Variants in CSMD2 observed in about 807,000 individuals in gnomAD.
CSMD2 encodes CUB and sushi domain-containing protein 2.
A neutral mutation model predicts 398.5 loss-of-function variants in CSMD2; 130 were observed. That is an observed-to-expected ratio of 0.33 (90% CI 0.28 to 0.38). CSMD2 has a LOEUF of 0.38. CSMD2 is among the 10% of genes least tolerant of loss of function. The pLI is 1.00. For missense variants in CSMD2, 3,829 were observed against 4,764.9 expected (o/e 0.80, Z 5.78); for synonymous variants, 1,828 against 1,908.5 (o/e 0.96, Z 1.10).
At chr1:33,787,919 C>T (rs559145051) in intron 12 of CSMD2, among the ~76,000 whole-genome samples, 5 of 152,228 alleles carry the variant, frequency 3.3e-5, no homozygotes, top group African/African-American at 1.2e-4. Flanking sequence ...CTGTTCCTAG[C>T]CCTATGCACA....
chr1:33,798,042 T>C (rs1391500067), intron 10 of CSMD2, among the ~76,000 whole-genome samples: 2 of 152,190 alleles, frequency 1.3e-5, no homozygotes, highest in Non-Finnish European at 2.9e-5. Context: ...TGCTGCAGTT[T>C]CAGGACGAGC....
At chr1:33,619,652 C>T (rs1641633757) in intron 37 of CSMD2, among the ~76,000 whole-genome samples, 1 of 152,188 alleles carries the variant, frequency 6.6e-6, no homozygotes. Context: ...AAACACCTGT[C>T]AAAACCACAG....
intron 4 of CSMD2, among the ~76,000 whole-genome samples, chr1:33,923,906 G>T (rs1328379850): frequency 1.3e-5 from 2 of 152,204 alleles, no homozygotes; most frequent in African/African-American, 4.8e-5. Flanking sequence ...TGGAAACATT[G>T]TCTTCCATGA....
At chr1:34,034,616 T>G (rs1022867185) in intron 2 of CSMD2, among the ~76,000 whole-genome samples, 1 of 152,222 alleles carries the variant, frequency 6.6e-6, no homozygotes, top group Non-Finnish European at 1.5e-5. Context: ...GCGAGATTTA[T>G]CTCTTCAATG....
At chr1:33,894,648 G>T (rs1192073709) in intron 5 of CSMD2, among the ~76,000 whole-genome samples, 3 of 152,100 alleles carry the variant, frequency 2.0e-5, no homozygotes, top group Admixed American at 6.5e-5. Context: ...CCTGTATTAT[G>T]TCCCTCTTAT....
Position 33,646,639 on chromosome 1 carries a change from G to A in CSMD2, c.4774+9C>T. The A allele has an allele frequency of 6.2e-7, 1 of 1,612,762 alleles. No individual in the cohort carries two copies. The highest frequency in any genetic ancestry group is 8.5e-7 in the Non-Finnish European group (1 of 1,179,844). On this transcript the variant is annotated intron_variant, in intron 29 of 70. Transcript: ENST00000373381. The stretch of plus-strand genomic sequence containing the variant: ...TGTCCTCAGTACTCTCTGGCACCAG[G>A]GCCCTTACCTGTATAGTCAATGACG...
chr1:33,673,330 CTGATGCG>C (rs1644582141), intron 25 of CSMD2, among the ~76,000 whole-genome samples: 1 of 152,188 alleles, frequency 6.6e-6, no homozygotes, highest in African/African-American at 2.4e-5. Context: ...GCCTCAGTAG[CTGATGCG>C]TTCAACTGTA....
intron 44 of CSMD2, among the ~76,000 whole-genome samples, chr1:33,591,645 C>T (rs1022178795): frequency 2.6e-5 from 4 of 152,112 alleles, no homozygotes; most frequent in Non-Finnish European, 5.9e-5. Flanking sequence ...TTTTTAGAGA[C>T]AGGTTCTCAT....
At chr1:33,830,011 C>T (rs963932043) in intron 6 of CSMD2, among the ~76,000 whole-genome samples, 1 of 152,232 alleles carries the variant, frequency 6.6e-6, no homozygotes, top group Non-Finnish European at 1.5e-5. Flanking sequence ...CTGGGAAGCT[C>T]GAACTGGGTG....
chr1:33,980,945 T>C (rs1033518524), intron 3 of CSMD2, among the ~76,000 whole-genome samples: 2 of 152,158 alleles, frequency 1.3e-5, no homozygotes, highest in Admixed American at 1.3e-4. Flanking sequence ...TACAAGCCTA[T>C]CTGAAGAACT....
At position 33,877,390 on chromosome 1, in the gene CSMD2, C is replaced by A. The variant is rs563327155; in HGVS notation, c.921-30394G>T. Among the ~76,000 whole-genome samples, 8 of 152,264 alleles carry A rather than the reference C, an allele frequency of 5.3e-5. No individual in the cohort carries two copies. The South Asian group carries it at 1.7e-3, about 32-fold the overall frequency. Reference sequence around the variant, plus strand: ...CACTGGACTTGTCCCCCTTGTCGCACTGGGGGAGATGAGGGCCTGGAACTC... The same window carrying A: ...CACTGGACTTGTCCCCCTTGTCGCAATGGGGGAGATGAGGGCCTGGAACTC... On this transcript the variant is annotated intron_variant, in intron 5 of 70. Transcript: ENST00000373381.
intron 41 of CSMD2, chr1:33,605,862 C>T (rs747287104): frequency 1.4e-4 from 219 of 1,612,048 alleles, no homozygotes; most frequent in Non-Finnish European, 1.8e-4. Context: ...TCTCATTGAA[C>T]CTTCACAACC....
At chr1:33,818,227 C>T (rs972606587) in intron 9 of CSMD2, among the ~76,000 whole-genome samples, 1 of 152,192 alleles carries the variant, frequency 6.6e-6, no homozygotes, top group African/African-American at 2.4e-5. Context: ...TGCCTCTCTG[C>T]ACAGCTGGTG....
intron 24 of CSMD2, among the ~76,000 whole-genome samples, chr1:33,695,298 A>G (rs1314174088): frequency 1.3e-5 from 2 of 152,144 alleles, no homozygotes; most frequent in African/African-American, 4.8e-5. Flanking sequence ...TCATATATTC[A>G]CTGTTCCAGG....
At chr1:33,592,336 T>A (rs897585190) in intron 44 of CSMD2, 1 of 714,220 alleles carries the variant, frequency 1.4e-6, no homozygotes, top group Admixed American at 2.0e-5. Flanking sequence ...AAAAGTAGAA[T>A]CTCTTGGGTC....
chr1:33,935,793 C>T lies in CSMD2; in HGVS notation c.679G>A (p.Ala227Thr), dbSNP rs184529652. 94 of 1,612,330 alleles carry T rather than the reference C, an allele frequency of 5.8e-5. No homozygotes were observed. The East Asian group carries it at 1.3e-3, about 22-fold the overall frequency. ...LTCHAGSENS[A>T]TWDFPLPSCR... ...GAAGGCAGGGGGAAGTCCCACGTGG[C>T]GCTGTTCTCAGAGCCAGCGTGGCAG... Residue 227 changes from alanine to threonine, a missense_variant, in exon 4 of 71, where the codon GCC (alanine) becomes ACC (threonine). Transcript: ENST00000373381.
At chr1:34,103,519 T>C (rs374671107) in intron 1 of CSMD2, among the ~76,000 whole-genome samples, 142 of 152,180 alleles carry the variant, frequency 9.3e-4, no homozygotes, top group East Asian at 5.6e-3. Context: ...AGGATGGTCT[T>C]GATCTGACCT....
intron 14 of CSMD2, among the ~76,000 whole-genome samples, chr1:33,740,030 T>C (rs1333973107): frequency 6.6e-6 from 1 of 152,198 alleles, no homozygotes; most frequent in Non-Finnish European, 1.5e-5. Context: ...CTTAGTTTCC[T>C]GACTGATAAT....
chr1:34,100,581 C>T (rs987618378), intron 1 of CSMD2, among the ~76,000 whole-genome samples: 10 of 152,098 alleles, frequency 6.6e-5, no homozygotes, highest in African/African-American at 2.2e-4. Flanking sequence ...GGTCATTTCT[C>T]GGTTTTCTTT....
Sources: gnomAD v4.1 joint callset for allele counts (sites outside exome capture counted in the v4.1 genomes callset) on GRCh38, gnomAD v4.1.1 for gene constraint, MANE v1.5 for transcripts, NCBI Gene and HGNC (gene_info 2026-07-23, HGNC 2026-07-21) for gene names.